Variants in SNX29 observed in about 807,000 individuals in gnomAD.
SNX29 encodes the protein sorting nexin-29.
A neutral mutation model predicts 102.1 loss-of-function variants in SNX29; 78 were observed. The observed-to-expected ratio is 0.76, with a 90% CI of 0.64 to 0.92. SNX29 has a LOEUF of 0.92. SNX29 is among the 40% of genes least tolerant of loss of function. The pLI is 0.00. For synonymous variants in SNX29, 580 were observed against 414.5 expected (o/e 1.40, Z -4.85); for missense variants, 1,280 against 1,061.7 (o/e 1.21, Z -2.86).
chr16:12,269,224 T>G (rs966854468), intron 14 of SNX29, among the ~76,000 whole-genome samples: 3 of 152,230 alleles, frequency 2.0e-5, no homozygotes, highest in African/African-American at 7.2e-5. Context: ...TGCTGACTAT[T>G]CAGAGTATAG....
chr16:12,538,793 T>A (rs1430725480), intron 20 of SNX29, among the ~76,000 whole-genome samples: 1 of 152,142 alleles, frequency 6.6e-6, no homozygotes, highest in Admixed American at 6.5e-5. Flanking sequence ...CAAGGGGGAT[T>A]ACAAGGCAGA....
At chr16:11,999,203 A>AT in intron 1 of SNX29, 94 bp from the exon 2 acceptor site, 2 of 1,128,004 alleles carry the variant, frequency 1.8e-6, no homozygotes, top group Non-Finnish European at 2.6e-6. Flanking sequence ...TGTGCTACTG[A>AT]TTTTGTTAAA....
intron 18 of SNX29, among the ~76,000 whole-genome samples, chr16:12,464,431 T>C (rs2086959062): frequency 6.6e-6 from 1 of 152,120 alleles, no homozygotes; most frequent in Non-Finnish European, 1.5e-5. Flanking sequence ...ATTTCCTTTT[T>C]TATTTTAAAG....
intron 19 of SNX29, among the ~76,000 whole-genome samples, chr16:12,495,880 C>G (rs186202625): frequency 6.6e-6 from 1 of 152,320 alleles, no homozygotes; most frequent in Admixed American, 6.5e-5. Flanking sequence ...TGGTAAAACC[C>G]CATGTCTACT....
intron 18 of SNX29, among the ~76,000 whole-genome samples, chr16:12,464,092 G>A (rs75187629): frequency 6.6e-6 from 1 of 151,242 alleles, no homozygotes; most frequent in Non-Finnish European, 1.5e-5. Flanking sequence ...ACTCACGTCC[G>A]CCTGTAAGTG....
intron 20 of SNX29, among the ~76,000 whole-genome samples, chr16:12,566,704 C>G (rs1295559123): frequency 2.7e-3 from 2 of 744 alleles, no homozygotes; most frequent in Non-Finnish European, 0.02. Context: ...AGTGGGGTCC[C>G]CCATCCTTTG....
At chr16:12,501,646 C>T (rs899715844) in intron 19 of SNX29, among the ~76,000 whole-genome samples, 4 of 144,742 alleles carry the variant, frequency 2.8e-5, no homozygotes, top group Non-Finnish European at 4.5e-5. Flanking sequence ...CACTTGAACC[C>T]GAGAGGCAGA....
chr16:12,539,030 A>T (rs2077204649), intron 20 of SNX29, among the ~76,000 whole-genome samples: 1 of 152,098 alleles, frequency 6.6e-6, no homozygotes, highest in Non-Finnish European at 1.5e-5. Context: ...ATGAATCCAG[A>T]ATGGGGCCCA....
chr16:12,001,192 A>G (rs947242815), intron 2 of SNX29, among the ~76,000 whole-genome samples: 8 of 152,038 alleles, frequency 5.3e-5, no homozygotes, highest in Middle Eastern at 3.4e-3. Flanking sequence ...GCTCACTGCA[A>G]CCTCTGTCTC....
intron 16 of SNX29, among the ~76,000 whole-genome samples, chr16:12,370,787 C>A (rs1024849421): frequency 1.2e-4 from 19 of 152,174 alleles, no homozygotes; most frequent in Non-Finnish European, 2.5e-4. Flanking sequence ...CTGTGGGAAC[C>A]AGAGCAGTTT....
At chr16:12,463,552 C>T (rs150187980) in intron 18 of SNX29, among the ~76,000 whole-genome samples, 1 of 152,274 alleles carries the variant, frequency 6.6e-6, no homozygotes. Context: ...TGAGAAAGAC[C>T]TGCCCCTGTG....
At chr16:12,196,324 T>C (rs1162316533) in intron 13 of SNX29, among the ~76,000 whole-genome samples, 1 of 152,208 alleles carries the variant, frequency 6.6e-6, no homozygotes, top group East Asian at 1.9e-4. Flanking sequence ...TAACCTGTTT[T>C]GTAGGGTTAC....
chr16:12,077,948 A>G (rs144704926), intron 10 of SNX29, among the ~76,000 whole-genome samples: 1 of 152,232 alleles, frequency 6.6e-6, no homozygotes, highest in Non-Finnish European at 1.5e-5. Flanking sequence ...TCAACTGATC[A>G]ACACATAACC....
At chr16:12,051,432 A>C (rs1435994773) in intron 7 of SNX29, among the ~76,000 whole-genome samples, 1 of 152,020 alleles carries the variant, frequency 6.6e-6, no homozygotes, top group African/African-American at 2.4e-5. Context: ...GATCCATTGC[A>C]AAGGGGCATT....
intron 11 of SNX29, among the ~76,000 whole-genome samples, chr16:12,106,589 T>G (rs1435643774): frequency 1.3e-5 from 2 of 151,544 alleles, no homozygotes; most frequent in Non-Finnish European, 2.9e-5. Context: ...TCCTCCTGCC[T>G]CAGCCTCCTG....
chr16:12,355,746 A>G (rs1166574452), intron 15 of SNX29, among the ~76,000 whole-genome samples: 1 of 149,932 alleles, frequency 6.7e-6, no homozygotes, highest in Non-Finnish European at 1.5e-5. Flanking sequence ...AATGGGTTGC[A>G]TGTGGGCAGA....
At chr16:12,425,562 G>T (rs1297455133) in intron 18 of SNX29, among the ~76,000 whole-genome samples, 69 of 140,828 alleles carry the variant, frequency 4.9e-4, no homozygotes, top group African/African-American at 1.8e-3. Context: ...AATAAAAAGA[G>T]GGAATAGAAA....
chr16:12,342,762 C>T (rs2081647574), intron 15 of SNX29, among the ~76,000 whole-genome samples: 1 of 152,192 alleles, frequency 6.6e-6, no homozygotes, highest in Non-Finnish European at 1.5e-5. Flanking sequence ...TACTGGCAGA[C>T]TGGGACAGAA....
At chr16:12,053,372 C>T (rs143040534) in intron 8 of SNX29, 3 of 150,296 alleles carry the variant, frequency 2.0e-5, no homozygotes, top group Non-Finnish European at 3.0e-5. Context: ...CCCTCCTAAT[C>T]ATGACTACTG....
Sources: allele counts gnomAD v4.1 joint callset (sites outside exome capture counted in the v4.1 genomes callset), GRCh38; gene constraint gnomAD v4.1.1; transcripts MANE v1.5; gene names NCBI Gene and HGNC (gene_info 2026-07-23, HGNC 2026-07-21).